FRAS1: variants seen among roughly 807,000 people sequenced by gnomAD.
FRAS1 encodes extracellular matrix organizing protein FRAS1.
In FRAS1, 290 loss-of-function variants were observed where a neutral mutation model predicts 435.2. That is an observed-to-expected ratio of 0.67 (90% CI 0.61 to 0.73). The LOEUF is 0.73. Among genes scored for constraint, FRAS1 ranks in the 30% least tolerant of loss-of-function variants. The pLI is 0.00. For synonymous variants in FRAS1, 1,800 were observed against 1,851.0 expected (o/e 0.97, Z 0.71); for missense variants, 4,860 against 5,001.5 (o/e 0.97, Z 0.85).
At chr4:78,364,140 C>A in intron 22 of FRAS1, 86 bp downstream of exon 22, 1 of 1,386,672 alleles carries the variant, frequency 7.2e-7, no homozygotes, top group Non-Finnish European at 9.8e-7. Context: ...TTCTTACTTC[C>A]ATCTTCTCAC....
intron 18 of FRAS1, chr4:78,319,505 A>G (rs1729412036): frequency 2.0e-5 from 9 of 449,674 alleles, no homozygotes; most frequent in Non-Finnish European, 3.6e-5. Flanking sequence ...GATGAAAGGG[A>G]AGTATTATAG....
chr4:78,331,989 G>T (rs547785944), intron 18 of FRAS1, among the ~76,000 whole-genome samples: 42 of 152,326 alleles, frequency 2.8e-4, no homozygotes, highest in Non-Finnish European at 8.8e-5. Flanking sequence ...GGAGGCAGAG[G>T]TGATGGGGGG....
intron 2 of FRAS1, among the ~76,000 whole-genome samples, chr4:78,143,673 A>T (rs529732412): frequency 2.6e-5 from 4 of 152,020 alleles, no homozygotes; most frequent in Admixed American, 2.6e-4. Flanking sequence ...AGGCTGGCAG[A>T]TCACTTGAGC....
intron 71 of FRAS1, among the ~76,000 whole-genome samples, chr4:78,535,687 A>C (rs1721860286): frequency 6.6e-6 from 1 of 152,290 alleles, no homozygotes; most frequent in Non-Finnish European, 1.5e-5. Flanking sequence ...CCTATCTCTC[A>C]CTAGAGGATT....
chr4:78,385,769 C>T (rs1199389746), intron 28 of FRAS1, among the ~76,000 whole-genome samples: 1 of 151,814 alleles, frequency 6.6e-6, no homozygotes, highest in Non-Finnish European at 1.5e-5. Flanking sequence ...CCTGTAATCC[C>T]AGCTACTCGG....
intron 29 of FRAS1, among the ~76,000 whole-genome samples, chr4:78,392,417 T>A (rs1732483026): frequency 6.6e-6 from 1 of 152,146 alleles, no homozygotes; most frequent in Non-Finnish European, 1.5e-5. Context: ...ACATTATCAT[T>A]TCAGCTAACG....
intron 2 of FRAS1, among the ~76,000 whole-genome samples, chr4:78,228,315 C>T (rs953577948): frequency 6.6e-6 from 1 of 152,132 alleles, no homozygotes; most frequent in Admixed American, 6.5e-5. Context: ...AGATGAGGCA[C>T]ATGTTTTACT....
intron 36 of FRAS1, 110 bp from the exon 37 acceptor site, chr4:78,430,182 A>G (rs1734156402): frequency 1.5e-6 from 2 of 1,314,872 alleles, no homozygotes; most frequent in South Asian, 1.2e-5. Context: ...TCTGATAACA[A>G]TCAGATTACC....
intron 2 of FRAS1, among the ~76,000 whole-genome samples, chr4:78,201,007 C>T (rs543798753): frequency 6.6e-6 from 1 of 150,764 alleles, no homozygotes; most frequent in East Asian, 1.9e-4. Flanking sequence ...TCAAGCCTTC[C>T]TTTCTCTTCA....
At chr4:78,288,793 A>G (rs1042329972) in intron 14 of FRAS1, among the ~76,000 whole-genome samples, 1 of 152,202 alleles carries the variant, frequency 6.6e-6, no homozygotes, top group Admixed American at 6.5e-5. Flanking sequence ...ATCTTTCCAG[A>G]TAAGCTTTCT....
chr4:78,249,322 C>G (rs112545075), intron 4 of FRAS1, among the ~76,000 whole-genome samples: 1 of 96,618 alleles, frequency 1.0e-5, no homozygotes, highest in African/African-American at 3.5e-5. Flanking sequence ...AGCAGTGGAG[C>G]CTTTTTTTTT....
intron 18 of FRAS1, among the ~76,000 whole-genome samples, chr4:78,332,106 T>C (rs1578257664): frequency 6.6e-6 from 1 of 152,108 alleles, no homozygotes; most frequent in South Asian, 2.1e-4. Flanking sequence ...GTCTGTGAGG[T>C]ATGGAGACTG....
chr4:78,525,276 A>G (rs1330111527), intron 69 of FRAS1, among the ~76,000 whole-genome samples: 1 of 152,242 alleles, frequency 6.6e-6, no homozygotes, highest in Non-Finnish European at 1.5e-5. Context: ...GTTACTATCC[A>G]CATTATAGGT....
At chr4:78,450,041 T>A in intron 44 of FRAS1, 110 bp from the exon 45 acceptor site, 1 of 738,088 alleles carries the variant, frequency 1.4e-6, no homozygotes, top group Non-Finnish European at 2.2e-6. Context: ...GCCTGGTACC[T>A]AGATCCAATG....
intron 14 of FRAS1, among the ~76,000 whole-genome samples, chr4:78,298,026 CTCTCTATA>C (rs1367086627): frequency 7.6e-4 from 86 of 113,348 alleles, no homozygotes; most frequent in Admixed American, 1.3e-3. Flanking sequence ...CTCTCTCTCT[CTCTCTATA>C]TATATATATA....
At chr4:78,060,014 A>C (rs559880497) in intron 1 of FRAS1, among the ~76,000 whole-genome samples, 1 of 152,242 alleles carries the variant, frequency 6.6e-6, no homozygotes, top group Admixed American at 6.5e-5. Context: ...TGGATTGATA[A>C]ATTGATAGAT....
chr4:78,358,328 G>A (rs551716434), intron 20 of FRAS1, among the ~76,000 whole-genome samples: 1 of 152,116 alleles, frequency 6.6e-6, no homozygotes, highest in East Asian at 1.9e-4. Context: ...ATTTCTTAGT[G>A]CTGGTAAAAT....
rs1011086109 is a variant in FRAS1, at chr4:78,248,491, T to C, written c.309+3166T>C. On this transcript the variant is annotated intron_variant, in intron 4 of 73. Transcript: ENST00000512123. ...GTTTACTGAAAAATGAAATGGCTTC[T>C]AGTGCCCAGCCTGATTGAATGGGGA... 7.9e-5 allele frequency among the ~76,000 whole-genome samples: 12 copies of C among 152,290 alleles called. No individual in the cohort carries two copies. In the East Asian group the frequency reaches 9.7e-4, roughly 12 times the overall value.
At chr4:78,459,329 G>A (rs1302214857) in intron 47 of FRAS1, among the ~76,000 whole-genome samples, 2 of 152,206 alleles carry the variant, frequency 1.3e-5, no homozygotes, top group East Asian at 3.8e-4. Context: ...CATTTTGGAA[G>A]TGGGAGACAT....
Sources: gnomAD v4.1 joint callset for allele counts (sites outside exome capture counted in the v4.1 genomes callset) on GRCh38, gnomAD v4.1.1 for gene constraint, MANE v1.5 for transcripts, NCBI Gene and HGNC (gene_info 2026-07-23, HGNC 2026-07-21) for gene names.